NALF1: variants seen among roughly 807,000 people sequenced by gnomAD.
NALF1 encodes NALCN channel auxiliary factor 1, also known as family with sequence similarity 155 member A.
A neutral mutation model predicts 48.4 loss-of-function variants in NALF1; 3 were observed. The observed-to-expected ratio is 0.06, with a 90% confidence interval of 0.03 to 0.16. The LOEUF (loss-of-function observed/expected upper bound fraction) is 0.16, where lower values mean the gene tolerates loss of function less well. Among genes scored for constraint, NALF1 ranks in the 10% least tolerant of loss-of-function variants. The pLI, the probability that NALF1 is intolerant of heterozygous loss-of-function variation, is 1.00. For synonymous variants in NALF1, 262 were observed against 245.7 expected (o/e 1.07, Z -0.62); for missense variants, 526 against 571.5 (o/e 0.92, Z 0.81).
intron 1 of NALF1, among the ~76,000 whole-genome samples, chr13:107,356,367 T>G (rs950742403): frequency 6.6e-6 from 1 of 152,186 alleles, no homozygotes; most frequent in Non-Finnish European, 1.5e-5. Context: ...ATGAAATGTA[T>G]ATAACAAAAG....
At chr13:107,278,257 A>C (rs750270980) in intron 1 of NALF1, among the ~76,000 whole-genome samples, 4 of 152,176 alleles carry the variant, frequency 2.6e-5, no homozygotes, top group Non-Finnish European at 4.4e-5. Context: ...ATCAAATGTT[A>C]ATTTTTGCCA....
rs1880806232 is a variant in NALF1 at position 107,664,452 on chromosome 13, C to T, written c.915+201230G>A. Among the ~76,000 whole-genome samples the T allele has an allele frequency of 2.6e-5, 4 of 152,132 alleles. No homozygotes were observed. In the South Asian group the frequency reaches 8.3e-4, roughly 32 times the overall value. ...GTGTCAAGTAAGACAGGTCGTGTCC[C>T]TCTTCTAAGCATAACCCTCCATTGT... On this transcript the variant is annotated intron_variant, in intron 1 of 2. Transcript: ENST00000375915.
At chr13:107,383,184 C>T (rs187248577) in intron 1 of NALF1, among the ~76,000 whole-genome samples, 121 of 152,272 alleles carry the variant, frequency 7.9e-4, no homozygotes, top group African/African-American at 2.9e-3. Flanking sequence ...GAATTTACCT[C>T]AGTAATAATC....
chr13:107,430,751 A>C (rs1482312647), intron 1 of NALF1, among the ~76,000 whole-genome samples: 1 of 152,226 alleles, frequency 6.6e-6, no homozygotes, highest in Non-Finnish European at 1.5e-5. Flanking sequence ...ATAGTGCTGC[A>C]GTAAACATAC....
At chr13:107,214,652 C>T (rs1879835419) in intron 1 of NALF1, among the ~76,000 whole-genome samples, 1 of 152,116 alleles carries the variant, frequency 6.6e-6, no homozygotes, top group South Asian at 2.1e-4. Flanking sequence ...CCCCCACGCT[C>T]CTCCACTGTG....
chr13:107,586,806 C>G (rs9514705), intron 1 of NALF1, among the ~76,000 whole-genome samples: 1 of 150,408 alleles, frequency 6.6e-6, no homozygotes, highest in African/African-American at 2.5e-5. Context: ...CTAAGATTCA[C>G]GTACAGAGAA....
intron 1 of NALF1, among the ~76,000 whole-genome samples, chr13:107,723,635 A>C (rs1876055341): frequency 6.6e-6 from 1 of 152,198 alleles, no homozygotes; most frequent in African/African-American, 2.4e-5. Flanking sequence ...CTGAAACAAG[A>C]AGTGTTTGAT....
intron 2 of NALF1, among the ~76,000 whole-genome samples, chr13:107,197,670 G>A (rs765963709): frequency 6.6e-6 from 1 of 152,312 alleles, no homozygotes; most frequent in East Asian, 1.9e-4. Context: ...CTGCTGGAGT[G>A]GGGCAGCAGC....
chr13:107,274,083 A>G (rs941078347), intron 1 of NALF1, among the ~76,000 whole-genome samples: 3 of 152,032 alleles, frequency 2.0e-5, no homozygotes, highest in Non-Finnish European at 2.9e-5. Context: ...TTTCGTACAT[A>G]ATTTTTATAT....
chr13:107,294,432 C>T (rs1881687256), intron 1 of NALF1, among the ~76,000 whole-genome samples: 1 of 152,192 alleles, frequency 6.6e-6, no homozygotes, highest in South Asian at 2.1e-4. Flanking sequence ...TTATCACATA[C>T]AAGGTGTAGT....
intron 1 of NALF1, among the ~76,000 whole-genome samples, chr13:107,739,477 C>T (rs1006260497): frequency 1.5e-4 from 22 of 149,598 alleles, no homozygotes; most frequent in African/African-American, 2.9e-4. Flanking sequence ...AATCTGGCTG[C>T]GGAGTTTTTG....
chr13:107,347,074 A>G (rs1303056197), intron 1 of NALF1, among the ~76,000 whole-genome samples: 1 of 152,234 alleles, frequency 6.6e-6, no homozygotes, highest in Admixed American at 6.5e-5. Flanking sequence ...GATTATATTT[A>G]TCTTCATATA....
chr13:107,754,806 A>C (rs1034623768), intron 1 of NALF1, among the ~76,000 whole-genome samples: 1 of 151,528 alleles, frequency 6.6e-6, no homozygotes, highest in Non-Finnish European at 1.5e-5. Context: ...TCCATCCACT[A>C]ACACTGACAA....
At chr13:107,688,986 A>C (rs1314962337) in intron 1 of NALF1, among the ~76,000 whole-genome samples, 2 of 152,210 alleles carry the variant, frequency 1.3e-5, no homozygotes, top group Non-Finnish European at 2.9e-5. Flanking sequence ...ATGGTGTCGA[A>C]GGACAAATGG....
chr13:107,772,416 A>G (rs1424827470), intron 1 of NALF1, among the ~76,000 whole-genome samples: 1 of 152,060 alleles, frequency 6.6e-6, no homozygotes, highest in Admixed American at 6.6e-5. Flanking sequence ...ATTATTAGAG[A>G]GTTTCCATAT....
chr13:107,652,381 T>C (rs1206430649), intron 1 of NALF1, among the ~76,000 whole-genome samples: 1 of 152,204 alleles, frequency 6.6e-6, no homozygotes, highest in African/African-American at 2.4e-5. Flanking sequence ...TTATGGTTCT[T>C]CAAAGTTGAA....
At chr13:107,211,690 A>G (rs1879764618) in intron 1 of NALF1, among the ~76,000 whole-genome samples, 1 of 134,432 alleles carries the variant, frequency 7.4e-6, no homozygotes, top group Non-Finnish European at 1.5e-5. Context: ...GCTTTTACTT[A>G]TCTATTTCTA....
At chr13:107,201,933 G>A (rs983757832) in intron 2 of NALF1, among the ~76,000 whole-genome samples, 4 of 152,094 alleles carry the variant, frequency 2.6e-5, no homozygotes, top group Non-Finnish European at 4.4e-5. Context: ...GGCATTTTCA[G>A]ACTCTCTATG....
intron 1 of NALF1, among the ~76,000 whole-genome samples, chr13:107,316,158 T>C (rs1054188570): frequency 2.9e-4 from 44 of 152,164 alleles, no homozygotes; most frequent in African/African-American, 1.0e-3. Flanking sequence ...TTTGGTTTTT[T>C]GACCTTGCGA....
Sources: gnomAD v4.1 joint callset for allele counts (sites outside exome capture counted in the v4.1 genomes callset) on GRCh38, gnomAD v4.1.1 for gene constraint, MANE v1.5 for transcripts, NCBI Gene and HGNC (gene_info 2026-07-23, HGNC 2026-07-21) for gene names.